Variants in WDR18 observed in about 807,000 individuals in gnomAD.
WDR18 encodes WD repeat domain 18.
In WDR18, 33 loss-of-function variants were observed where a neutral mutation model predicts 49.6. The ratio of observed to expected loss-of-function variants is 0.67; its 90% CI spans 0.50 to 0.89. The LOEUF (loss-of-function observed/expected upper bound fraction) is 0.89. Ranked by LOEUF, WDR18 falls within the 40% of genes least tolerant of loss-of-function variation. WDR18 has a pLI of 0.00. For missense variants in WDR18, 653 were observed against 593.6 expected, an observed-to-expected ratio of 1.10 and a Z score of -1.04; for synonymous variants, 315 against 263.6, an observed-to-expected ratio of 1.19 and a Z score of -1.89.
At chr19:983,524 A>C (rs1275512566), upstream of WDR18, among the ~76,000 whole-genome samples, 1 of 149,722 alleles carries the variant, frequency 6.7e-6, no homozygotes, top group Non-Finnish European at 1.5e-5. Context: ...GGCCTCCCAA[A>C]GTGCTGGGAT....
chr19:985,985 G>C lies in WDR18; in HGVS notation c.321+10G>C. ...CATCCACCTGTGGGAGGTAAGAGGAGCAAAGCGTGAGCGTTTCCCACAGGA... is the reference window on the plus strand; with the variant it reads ...CATCCACCTGTGGGAGGTAAGAGGACCAAAGCGTGAGCGTTTCCCACAGGA... On this transcript the variant is annotated intron_variant, in intron 2 of 9. Transcript: ENST00000585809. The C allele has an allele frequency of 6.2e-7, 1 of 1,612,540 alleles. No individual in the cohort carries two copies. Among genetic ancestry groups the C allele is most frequent in the Non-Finnish European group, 8.5e-7 (1 of 1,179,044 alleles).
Position 985,903 on chromosome 19 carries a change from C to A in WDR18, c.249C>A (p.Val83=). 1 of 1,613,970 alleles carries A rather than the reference C, an allele frequency of 6.2e-7. No homozygotes were observed. The highest frequency in any genetic ancestry group is 1.3e-5 in the African/African-American group (1 of 75,048). ...AGAAGATCATGTGCCCCGGGCCTGT[C>A]ACCTGTCTGACTGCATCACCCAATG... The part of the protein sequence containing the change: ...LQQKIMCPGP[V]TCLTASPNGL... The change falls in exon 2 of 10, where the codon GTC becomes GTA. Residue 83 remains valine, a synonymous_variant. Transcript: ENST00000585809.
chr19:993,396 T>A (rs2145516578), intron 8 of WDR18, among the ~76,000 whole-genome samples: 1 of 152,328 alleles, frequency 6.6e-6, no homozygotes, highest in Admixed American at 6.5e-5. Flanking sequence ...TGCCGCCACC[T>A]TTCCCTAGCC....
upstream of WDR18, chr19:984,344 G>C (rs956882462): frequency 6.3e-7 from 1 of 1,585,440 alleles, no homozygotes; most frequent in African/African-American, 1.4e-5. Context: ...GGGGCGGTGG[G>C]GAAGGCAAGA....
At chr19:988,986 C>A (rs2038505269) in intron 2 of WDR18, among the ~76,000 whole-genome samples, 1 of 151,530 alleles carries the variant, frequency 6.6e-6, no homozygotes, top group African/African-American at 2.4e-5. Context: ...AATCCACAAC[C>A]CCCACCAGAG....
In WDR18 at chr19:991,359, C is replaced by G. The variant is rs748935888; in HGVS notation, c.931+8C>G. The stretch of plus-strand genomic sequence containing the variant: ...GGACGGTGGCCCTCAAAGGTGGGCG[C>G]GCCTCTGCTCGGCCCGCGGCCAGCG... On this transcript the variant is annotated splice_region_variant and intron_variant, in intron 7 of 9. Coordinates refer to ENST00000585809, the MANE Select transcript of WDR18 (RefSeq NM_024100.4). 4 of 1,544,192 alleles carry G rather than the reference C, an allele frequency of 2.6e-6. No individual in the cohort carries two copies. Among genetic ancestry groups the G allele is most frequent in the Non-Finnish European group, 3.5e-6 (4 of 1,144,476 alleles).
At chr19:992,965 AC>A (rs1402763038) in intron 8 of WDR18, among the ~76,000 whole-genome samples, 4 of 152,234 alleles carry the variant, frequency 2.6e-5, no homozygotes, top group Non-Finnish European at 4.4e-5. Flanking sequence ...TGATGGCCTG[AC>A]AGGCCCTGCA....
chr19:990,159 G>A (rs2038524236), intron 3 of WDR18, 64 bp from the exon 4 acceptor site: 1 of 1,508,554 alleles, frequency 6.6e-7, no homozygotes. Context: ...GTGGGTGCTG[G>A]AGGCGTGGAC....
rs770530170 is a variant in WDR18, at chr19:984,398, C to T, written c.45C>T (p.Ala15=). 2.5e-6 allele frequency: 4 copies of T among 1,602,216 alleles called. No homozygotes were observed. The highest frequency in any genetic ancestry group is 2.6e-6 in the Non-Finnish European group (3 of 1,176,100). The change falls in exon 1 of 10, where the codon GCC becomes GCT. Residue 15 remains alanine (A), a synonymous_variant. Coordinates refer to ENST00000585809, the MANE Select transcript of WDR18 (RefSeq NM_024100.4). ...MEVAVCTDSA[A]PMWSCIVWEL... ...TGGCCGTGTGTACGGACTCGGCGGC[C>T]CCGATGTGGAGCTGCATCGTGTGGG... is the stretch of plus-strand genomic sequence containing the variant.
At chr19:989,201 CA>C (rs1326484212) in intron 2 of WDR18, among the ~76,000 whole-genome samples, 4 of 144,766 alleles carry the variant, frequency 2.8e-5, no homozygotes, top group Admixed American at 2.7e-4. Context: ...CAACCCCCCC[CA>C]GAGCATCTCA....
chr19:988,246 T>G (rs1417381225), intron 2 of WDR18, among the ~76,000 whole-genome samples: 1 of 152,130 alleles, frequency 6.6e-6, no homozygotes, highest in East Asian at 1.9e-4. Flanking sequence ...ATCCTCCTCC[T>G]GTTCTCTGTG....
rs2038452980 is a variant in WDR18 at position 984,462 on chromosome 19, G to A, written c.109G>A (p.Gly37Ser). The change falls in exon 1 of 10, where the codon GGC becomes AGC. Residue 37 changes from glycine (G) to serine (S), a missense_variant. Physicochemically the swap from Gly to Ser is moderately conservative, Grantham distance 56. Coordinates refer to ENST00000585809, the MANE Select transcript of WDR18 (RefSeq NM_024100.4). ...CGCCAACCTGCTCACCTACCGCGGC[G>A]GCCAGGCGGGACCCCGCGGCCTGGC... ...SGANLLTYRGGQAGPRGLALL... is the reference protein window; with the variant it reads ...SGANLLTYRGSQAGPRGLALL... The A allele has an allele frequency of 2.5e-6, 4 of 1,588,978 alleles. No individual in the cohort carries two copies. The highest frequency in any genetic ancestry group is 3.4e-6 in the Non-Finnish European group (4 of 1,169,726).
chr19:990,001 TGGAGTGCA>T, intron 3 of WDR18, 106 bp downstream of exon 3: 2 of 1,491,238 alleles, frequency 1.3e-6, no homozygotes, highest in South Asian at 2.7e-5. Flanking sequence ...TCTTGGGGGC[TGGAGTGCA>T]GAGGACGGAG....
At chr19:989,025 CA>C (rs1482679748) in intron 2 of WDR18, among the ~76,000 whole-genome samples, 2 of 99,252 alleles carry the variant, frequency 2.0e-5, no homozygotes, top group Middle Eastern at 4.5e-3. Flanking sequence ...CACAACCCCC[CA>C]CAGAGCATCT....
intron 8 of WDR18, 40 bp from the exon 9 acceptor site, chr19:993,980 C>T (rs2145517719): frequency 2.6e-6 from 4 of 1,546,124 alleles, no homozygotes. Flanking sequence ...TGGTGTGTGA[C>T]AGGACGCGCC....
rs2038537568 is a variant in WDR18 at position 990,991 on chromosome 19, C to T, written c.737C>T (p.Thr246Ile). Residue 246 changes from threonine to isoleucine, a missense_variant, in exon 5 of 10, where the codon ACC becomes ATC. Transcript: ENST00000585809. ...EGSIFQVDLFTWPGQRERSFH... is the reference protein window; with the variant it reads ...EGSIFQVDLFIWPGQRERSFH... ...TCCATCTTCCAGGTCGACCTCTTCA[C>T]CTGGGTGAGTGCCGCGGTCTGCGGG... 1.9e-6 allele frequency: 3 copies of T among 1,607,992 alleles called. No individual in the cohort carries two copies. The highest frequency in any genetic ancestry group is 1.7e-4 in the Middle Eastern group (1 of 6,032).
At chr19:984,613 A>G in intron 1 of WDR18, 50 bp downstream of exon 1, 2 of 1,372,500 alleles carry the variant, frequency 1.5e-6, no homozygotes, top group Non-Finnish European at 9.4e-7. Flanking sequence ...CCGAGGCTGA[A>G]GTCGGGGGAT....
chr19:989,049 C>T (rs2038508268), intron 2 of WDR18, among the ~76,000 whole-genome samples: 1 of 118,680 alleles, frequency 8.4e-6, no homozygotes, highest in Non-Finnish European at 1.8e-5. Context: ...GGCCTCGAAC[C>T]CACAACCCCC....
chr19:990,948 T>C lies in WDR18; in HGVS notation c.694T>C (p.Cys232Arg). 2 of 1,612,546 alleles carry C rather than the reference T, an allele frequency of 1.2e-6. No individual in the cohort carries two copies. Among genetic ancestry groups the C allele is most frequent in the Non-Finnish European group, 1.7e-6 (2 of 1,179,738 alleles). Residue 232 changes from cysteine to arginine, a missense_variant, in exon 5 of 10, where the codon TGC (cysteine) becomes CGC (arginine). Physicochemically the swap from Cys to Arg is radical, Grantham distance 180. Transcript: ENST00000585809. ...TMDLAEHHMFCGGSEGSIFQV... is the reference protein window; with the variant it reads ...TMDLAEHHMFRGGSEGSIFQV... ...GGACCTGGCTGAGCACCATATGTTCTGCGGGGGCAGTGAGGGCTCCATCTT... is the reference window on the plus strand; with the variant it reads ...GGACCTGGCTGAGCACCATATGTTCCGCGGGGGCAGTGAGGGCTCCATCTT...
Sources: gnomAD v4.1 joint callset for allele counts (sites outside exome capture counted in the v4.1 genomes callset) on GRCh38, gnomAD v4.1.1 for gene constraint, MANE v1.5 for transcripts, NCBI Gene and HGNC (gene_info 2026-07-23, HGNC 2026-07-21) for gene names.